CACNA1C: variants seen among roughly 807,000 people sequenced by gnomAD.
CACNA1C encodes the protein calcium voltage-gated channel subunit alpha1 C, also known as voltage-dependent L-type calcium channel subunit alpha-1C.
CACNA1C carries 30 observed loss-of-function variants against 229.0 expected under a neutral mutation model. The ratio of observed to expected loss-of-function variants is 0.13; its 90% CI spans 0.10 to 0.18. The LOEUF is 0.18. Ranked by LOEUF, CACNA1C falls within the 10% of genes least tolerant of loss-of-function variation. The pLI is 1.00. For synonymous variants in CACNA1C, 1,114 were observed against 1,132.5 expected, an observed-to-expected ratio of 0.98 and a Z score of 0.33; for missense variants, 1,658 against 2,845.0, an observed-to-expected ratio of 0.58 and a Z score of 9.49.
chr12:2,291,758 G>A (rs981101078), intron 3 of CACNA1C, among the ~76,000 whole-genome samples: 2 of 152,282 alleles, frequency 1.3e-5, no homozygotes, highest in South Asian at 4.2e-4. Context: ...AAAGGTGAAT[G>A]TAACCAGCCC....
At chr12:2,636,018 G>A (rs1230064660) in intron 30 of CACNA1C, among the ~76,000 whole-genome samples, 2 of 152,228 alleles carry the variant, frequency 1.3e-5, no homozygotes, top group Non-Finnish European at 2.9e-5. Flanking sequence ...TGAGCCCCAA[G>A]TTGCTGTTCC....
Position 2,486,268 on chromosome 12 carries a change from AG to A in CACNA1C, c.916+10del. 6.2e-7 allele frequency: 1 copy of A among 1,611,836 alleles called. No homozygotes were observed. Among genetic ancestry groups the A allele is most frequent in the Non-Finnish European group, 8.5e-7 (1 of 1,178,542 alleles). On this transcript the variant is annotated splice_region_variant and intron_variant, in intron 6 of 46. Coordinates refer to ENST00000399655, the MANE Select transcript of CACNA1C (RefSeq NM_000719.7). This position sits in a 1 kb window ranked among gnomAD's most constrained non-coding sequence, Gnocchi z 4.9. ...CAACCAGGAGGGCATAGCAGGTAAG[AG>A]GGGCAGGCGGCTGCGCTCCCAAGGC...
In CACNA1C at chr12:2,354,808, C is replaced by G. The variant is rs969827331; in HGVS notation, c.478-94168C>G. Among the ~76,000 whole-genome samples the G allele has an allele frequency of 6.6e-6, 1 of 152,206 alleles. No homozygotes were observed. The highest frequency in any genetic ancestry group is 1.5e-5 in the Non-Finnish European group (1 of 68,042). ...GACTTCTGGTTCCATTCTCGTTTCC[C>G]TGGGCTGCTCTCCACCTTCCAGGCT... On this transcript the variant is annotated intron_variant, in intron 3 of 46. Coordinates refer to ENST00000399655, the MANE Select transcript of CACNA1C (RefSeq NM_000719.7). The surrounding 1 kb of genome is among the most constrained non-coding windows in gnomAD (Gnocchi z 4.6).
chr12:2,135,628 G>A (rs1276703324), intron 3 of CACNA1C, among the ~76,000 whole-genome samples: 23 of 140,630 alleles, frequency 1.6e-4, no homozygotes, highest in Middle Eastern at 3.4e-3. Context: ...CAGGGGTCAG[G>A]GGTCAGGGAC....
At chr12:2,292,503 TCAGA>T (rs1360990169) in intron 3 of CACNA1C, among the ~76,000 whole-genome samples, 40 of 152,334 alleles carry the variant, frequency 2.6e-4, no homozygotes, top group African/African-American at 9.6e-4. Context: ...GTTTCAGGAA[TCAGA>T]CAGCCCACGT....
chr12:2,216,033 A>T (rs2059886420), intron 3 of CACNA1C, among the ~76,000 whole-genome samples: 1 of 152,242 alleles, frequency 6.6e-6, no homozygotes, highest in African/African-American at 2.4e-5. Flanking sequence ...GATGTGTCCT[A>T]GGGTGTTAGA....
At chr12:2,542,789 A>G (rs149996048) in intron 9 of CACNA1C, among the ~76,000 whole-genome samples, 1 of 152,326 alleles carries the variant, frequency 6.6e-6, no homozygotes, top group Admixed American at 6.5e-5. Context: ...ACATAGAAAT[A>G]GTCCTACTAA....
chr12:2,563,760 G>A (rs2154593084), intron 11 of CACNA1C, among the ~76,000 whole-genome samples: 1 of 152,368 alleles, frequency 6.6e-6, no homozygotes, highest in Non-Finnish European at 1.5e-5. Flanking sequence ...AACAGCCCAG[G>A]TTGGCATCTT....
At chr12:2,264,559 TA>T (rs2081574175) in intron 3 of CACNA1C, among the ~76,000 whole-genome samples, 1 of 152,220 alleles carries the variant, frequency 6.6e-6, no homozygotes, top group African/African-American at 2.4e-5. Context: ...AGCATTTTCC[TA>T]AATGCTGTGG....
intron 3 of CACNA1C, among the ~76,000 whole-genome samples, chr12:2,325,184 C>T (rs577156411): frequency 5.9e-5 from 9 of 152,240 alleles, no homozygotes; most frequent in South Asian, 2.1e-4. Context: ...ACCTGCTGTC[C>T]GGAGGCACCC....
At chr12:2,026,449 A>C (rs2047341173) in intron 1 of CACNA1C, among the ~76,000 whole-genome samples, 1 of 152,220 alleles carries the variant, frequency 6.6e-6, no homozygotes, top group Non-Finnish European at 1.5e-5. Flanking sequence ...AGTTAGATAC[A>C]AATTTCTGCC....
intron 3 of CACNA1C, among the ~76,000 whole-genome samples, chr12:2,428,462 G>A (rs2099053376): frequency 6.6e-6 from 1 of 152,210 alleles, no homozygotes; most frequent in South Asian, 2.1e-4. Context: ...TTCTATTTGG[G>A]GGGCTATTAA....
At chr12:2,156,489 T>G (rs1356541426) in intron 3 of CACNA1C, among the ~76,000 whole-genome samples, 1 of 152,214 alleles carries the variant, frequency 6.6e-6, no homozygotes, top group South Asian at 2.1e-4. Context: ...TATTTGTTCA[T>G]TTTTTTGTAT....
At chr12:2,062,976 T>C (rs955558703) in intron 1 of CACNA1C, among the ~76,000 whole-genome samples, 1 of 152,202 alleles carries the variant, frequency 6.6e-6, no homozygotes, top group Non-Finnish European at 1.5e-5. Flanking sequence ...AATTTACCCT[T>C]TTGATGTGTA....
chr12:2,590,230 G>A (rs1479007471), intron 18 of CACNA1C, among the ~76,000 whole-genome samples: 1 of 152,190 alleles, frequency 6.6e-6, no homozygotes, highest in Admixed American at 6.5e-5. Flanking sequence ...AGGGGGGCAA[G>A]GGTTGCCAAG....
At chr12:2,423,221 A>G (rs1443619803) in intron 3 of CACNA1C, among the ~76,000 whole-genome samples, 1 of 152,130 alleles carries the variant, frequency 6.6e-6, no homozygotes, top group Admixed American at 6.5e-5. Flanking sequence ...GCTAGTATCT[A>G]GTATTCTCAT....
chr12:2,328,867 C>T (rs886472276), intron 3 of CACNA1C, among the ~76,000 whole-genome samples: 4 of 152,200 alleles, frequency 2.6e-5, no homozygotes, highest in African/African-American at 9.6e-5. Flanking sequence ...GACAAGGCCA[C>T]TCAAGGCAGC....
intron 30 of CACNA1C, among the ~76,000 whole-genome samples, 154 bp downstream of exon 30, chr12:2,634,534 C>A (rs1295380895): frequency 7.0e-6 from 1 of 142,188 alleles, no homozygotes; most frequent in African/African-American, 2.6e-5. Context: ...GTTTTTTTTT[C>A]CTTGTTGCTT....
chr12:2,137,165 G>A (rs551311007), intron 3 of CACNA1C, among the ~76,000 whole-genome samples: 1 of 151,512 alleles, frequency 6.6e-6, no homozygotes, highest in South Asian at 2.1e-4. Flanking sequence ...ACATCGAAGA[G>A]CTACGGCCTG....
Sources: allele counts gnomAD v4.1 joint callset (sites outside exome capture counted in the v4.1 genomes callset), GRCh38; gene constraint gnomAD v4.1.1; non-coding constraint Gnocchi (gnomAD v3.1); transcripts MANE v1.5; gene names NCBI Gene and HGNC (gene_info 2026-07-23, HGNC 2026-07-21).